CDCP1: variants seen among roughly 807,000 people sequenced by gnomAD.
CDCP1 encodes the protein CUB domain-containing protein 1.
CDCP1 carries 29 observed loss-of-function variants against 60.2 expected under a neutral mutation model. That is an observed-to-expected ratio of 0.48 (90% CI 0.36 to 0.66). The LOEUF is 0.66. Ranked by LOEUF, CDCP1 falls within the 30% of genes least tolerant of loss-of-function variation. The probability of loss-of-function intolerance (pLI) is 0.00; values close to 1 mark genes in which losing one functional copy is unlikely to be tolerated. For missense variants in CDCP1, 876 were observed against 1,074.3 expected (o/e 0.82, Z 2.58); for synonymous variants, 387 against 431.1 (o/e 0.90, Z 1.27).
Position 45,093,454 on chromosome 3 carries a change from C to T in CDCP1, c.1450G>A (p.Val484Met). The stretch of plus-strand genomic sequence containing the variant: ...TCCTGGCTGGGTATGGCACTGGCCA[C>T]GAGGTAGCTGAAGCTGGTGTTGCAG... Reference protein sequence around the residue: ...KPCNTSFSYLVASAIPSQDLY... With the variant: ...KPCNTSFSYLMASAIPSQDLY... The change falls in exon 6 of 9, where the codon GTG becomes ATG. Residue 484 changes from valine to methionine, a missense_variant. Physicochemically the swap from Val to Met is conservative, Grantham distance 21 (BLOSUM62 1). Transcript: ENST00000296129. 1.3e-5 allele frequency: 21 copies of T among 1,614,038 alleles called. 1 individual carries two copies. Among genetic ancestry groups the T allele is most frequent in the Non-Finnish European group, 1.8e-5 (21 of 1,179,946 alleles).
rs112017380 is a variant in CDCP1, at chr3:45,100,527, G to A, written c.1025-4959C>T. Among the ~76,000 whole-genome samples the A allele has an allele frequency of 1.6e-3, 236 of 152,204 alleles. 2 individuals carry two copies. The highest frequency in any genetic ancestry group is 5.3e-3 in the African/African-American group (222 of 41,516). On this transcript the variant is annotated intron_variant, in intron 4 of 8. Transcript: ENST00000296129. ...TGCAGGATAAAGCAGATTTCTTCTT[G>A]GTTTTTCCCACTGTTGGCTTAGGAT... is the stretch of plus-strand genomic sequence containing the variant.
intron 4 of CDCP1, among the ~76,000 whole-genome samples, chr3:45,098,631 C>T (rs189309916): frequency 1.3e-5 from 2 of 151,408 alleles, no homozygotes; most frequent in African/African-American, 4.9e-5. Context: ...CACAGACTAG[C>T]GAACACTCAC....
rs550769475 is a variant in CDCP1 at position 45,118,779 on chromosome 3, G to A, written c.83-158C>T. On this transcript the variant is annotated intron_variant, in intron 1 of 8. Transcript: ENST00000296129. The stretch of plus-strand genomic sequence containing the variant: ...AAGGGTGGTGCAAAATGACAGTTCC[G>A]ACCTTAGCAATGAAAAAGAACCAGG... 1.5e-3 allele frequency among the ~76,000 whole-genome samples: 228 copies of A among 152,234 alleles called. 1 individual carries two copies. Among genetic ancestry groups the A allele is most frequent in the African/African-American group, 5.2e-3 (217 of 41,554 alleles).
chr3:45,094,934 T>C (rs947302971), intron 5 of CDCP1, among the ~76,000 whole-genome samples: 2 of 148,266 alleles, frequency 1.3e-5, no homozygotes, highest in South Asian at 2.1e-4. Flanking sequence ...ACCTGCACTG[T>C]GGGTGGGGTT....
chr3:45,089,908 G>C (rs549481380), intron 7 of CDCP1, among the ~76,000 whole-genome samples: 1 of 152,304 alleles, frequency 6.6e-6, no homozygotes, highest in African/African-American at 2.4e-5. Context: ...TGTTTCCTTT[G>C]TGCTGTCCTT....
chr3:45,121,442 TA>T lies in CDCP1; in HGVS notation c.83-2822del, dbSNP rs201632946. Reference sequence around the variant, plus strand: ...TGAAAACGTCTAACTGTGTTATTTGTAAAAAAAATTCTTGGAGCCCTCAGTC... The same window carrying T: ...TGAAAACGTCTAACTGTGTTATTTGTAAAAAAATTCTTGGAGCCCTCAGTC... On this transcript the variant is annotated intron_variant, in intron 1 of 8. Transcript: ENST00000296129. Among the ~76,000 whole-genome samples, 217 of 152,228 alleles carry T rather than the reference TA, an allele frequency of 1.4e-3. 1 individual carries two copies. The East Asian group carries it at 0.031, about 22-fold the overall frequency.
In CDCP1 at chr3:45,084,852, C is replaced by T. The variant is rs546949998; in HGVS notation, c.*786G>A. On this transcript the variant is annotated 3_prime_UTR_variant, in exon 9 of 9. Transcript: ENST00000296129. ...AAAGTATTGCTGCAGCTAGGAGAAC[C>T]GCACATGGAAACTTGAGGAAATTTC... 5 of 152,670 alleles carry T rather than the reference C, an allele frequency of 3.3e-5. No homozygotes were observed. Among genetic ancestry groups the T allele is most frequent in the Admixed American group, 2.0e-4 (3 of 15,298 alleles). The allele number at this position is 152,670 out of a possible 1,614,324, so 9.5% of individuals were successfully genotyped here. A position where few individuals can be genotyped will look rare whatever the true frequency, so the allele number is the denominator to read the frequency against.
At chr3:45,104,466 ATC>A (rs960413392) in intron 4 of CDCP1, among the ~76,000 whole-genome samples, 4 of 152,182 alleles carry the variant, frequency 2.6e-5, no homozygotes, top group Non-Finnish European at 4.4e-5. Context: ...TGCAGCCCTT[ATC>A]TCTCACAGAT....
At chr3:45,116,589 ACCT>A in intron 2 of CDCP1, among the ~76,000 whole-genome samples, 1 of 152,346 alleles carries the variant, frequency 6.6e-6, no homozygotes, top group African/African-American at 2.4e-5. Flanking sequence ...CATGATACAA[ACCT>A]CCTGGCTCAC....
chr3:45,118,313 T>C, intron 2 of CDCP1, 99 bp downstream of exon 2: 1 of 886,510 alleles, frequency 1.1e-6, no homozygotes, highest in East Asian at 2.5e-5. Flanking sequence ...AGATCTTAGC[T>C]CTCTAGCATT....
intron 1 of CDCP1, among the ~76,000 whole-genome samples, chr3:45,139,144 A>G (rs1699240562): frequency 6.6e-6 from 1 of 152,176 alleles, no homozygotes; most frequent in Admixed American, 6.5e-5. Flanking sequence ...AACACTTCCC[A>G]TTAGGCCCCA....
chr3:45,111,613 T>G (rs1698694863), intron 3 of CDCP1, among the ~76,000 whole-genome samples: 2 of 152,220 alleles, frequency 1.3e-5, no homozygotes, highest in Non-Finnish European at 2.9e-5. Flanking sequence ...AGGTAGAGGT[T>G]GCAGTGAGCC....
At chr3:45,101,237 C>T (rs551571146) in intron 4 of CDCP1, among the ~76,000 whole-genome samples, 1 of 152,322 alleles carries the variant, frequency 6.6e-6, no homozygotes, top group South Asian at 2.1e-4. Flanking sequence ...TCTAATCCTC[C>T]CTCAGCAGGG....
chr3:45,140,718 T>C (rs1699274587), intron 1 of CDCP1, among the ~76,000 whole-genome samples: 1 of 152,228 alleles, frequency 6.6e-6, no homozygotes, highest in South Asian at 2.1e-4. Context: ...CCATTTACAT[T>C]TTCTCAGGAG....
chr3:45,122,331 C>G (rs6441890), intron 1 of CDCP1, among the ~76,000 whole-genome samples: 1 of 152,048 alleles, frequency 6.6e-6, no homozygotes, highest in Non-Finnish European at 1.5e-5. Context: ...TTTAGTAGAG[C>G]TGGGGTTTCA....
chr3:45,145,905 G>A (rs907407696), intron 1 of CDCP1, among the ~76,000 whole-genome samples: 1 of 151,886 alleles, frequency 6.6e-6, no homozygotes, highest in South Asian at 2.1e-4. Flanking sequence ...CCGCCTTCTC[G>A]GCCAGCACCG....
chr3:45,139,300 C>G (rs1699243044), intron 1 of CDCP1: 1 of 152,292 alleles, frequency 6.6e-6, no homozygotes, highest in Non-Finnish European at 1.5e-5. Context: ...AGACCTCCAG[C>G]CAGCCTCAGG....
chr3:45,134,198 C>T (rs1251451317), intron 1 of CDCP1, among the ~76,000 whole-genome samples: 1 of 151,542 alleles, frequency 6.6e-6, no homozygotes, highest in Non-Finnish European at 1.5e-5. Flanking sequence ...GATCTATGCT[C>T]ACTGCAAGCT....
At chr3:45,144,234 C>G (rs531380112) in intron 1 of CDCP1, among the ~76,000 whole-genome samples, 3 of 152,220 alleles carry the variant, frequency 2.0e-5, no homozygotes, top group Admixed American at 2.0e-4. Context: ...CTGAGTCTTT[C>G]TTTGTTAAGA....
Sources: gnomAD v4.1 joint callset for allele counts (sites outside exome capture counted in the v4.1 genomes callset) on GRCh38, gnomAD v4.1.1 for gene constraint, MANE v1.5 for transcripts, NCBI Gene and HGNC (gene_info 2026-07-23, HGNC 2026-07-21) for gene names.